VIRMA: variants seen among roughly 807,000 people sequenced by gnomAD.
VIRMA encodes the protein vir like m6A methyltransferase associated, also known as protein virilizer homolog.
Under a neutral mutation model 182.4 loss-of-function variants are expected in VIRMA, and 65 were observed. That is an observed-to-expected ratio of 0.36 (90% CI 0.29 to 0.44). VIRMA has a LOEUF of 0.44. Among genes scored for constraint, VIRMA ranks in the 20% least tolerant of loss-of-function variants. The pLI is 1.00. For missense variants in VIRMA, 1,752 were observed against 2,158.1 expected (o/e 0.81, Z 3.73); for synonymous variants, 709 against 743.1 (o/e 0.95, Z 0.75).
rs1815676485 is a variant in VIRMA, at chr8:94,544,080, T to C, written c.64-138A>G. ...CATTAAATATCATTAAATATATTAT[T>C]TACAGTGTTGTATAAATAGCTGATA... On this transcript the variant is annotated intron_variant, in intron 1 of 23. Transcript: ENST00000297591. 5.3e-6 allele frequency: 3 copies of C among 560,850 alleles called. No homozygotes were observed. The East Asian group carries it at 9.0e-5, about 17-fold the overall frequency. The allele number at this position is 560,850 out of a possible 1,614,324, so 34.7% of individuals were successfully genotyped here.
intron 1 of VIRMA, among the ~76,000 whole-genome samples, chr8:94,549,656 TA>T (rs1253832986): frequency 2.6e-5 from 4 of 152,242 alleles, no homozygotes; most frequent in Non-Finnish European, 5.9e-5. Context: ...CTCTCCTACG[TA>T]GTTCCACTGG....
In VIRMA at chr8:94,506,565, T is replaced by C. The variant is rs1384066206; in HGVS notation, c.4032A>G (p.Leu1344=). 1.2e-6 allele frequency: 2 copies of C among 1,613,576 alleles called. No homozygotes were observed. The highest frequency in any genetic ancestry group is 1.7e-5 in the Admixed American group (1 of 60,022). ...ACATCATTGTTCTGACACATGTCAG[T>C]AAACAGTTGTAACTGCTCTCAGAGT... ...LANSESSYNC[L]LTCVRTMMFL... Residue 1344 remains leucine, a synonymous_variant, in exon 16 of 24, where the codon TTA becomes TTG. Coordinates refer to ENST00000297591, the MANE Select transcript of VIRMA (RefSeq NM_015496.5).
At chr8:94,548,459 A>G (rs1403158688) in intron 1 of VIRMA, among the ~76,000 whole-genome samples, 1 of 151,000 alleles carries the variant, frequency 6.6e-6, no homozygotes, top group Non-Finnish European at 1.5e-5. Context: ...ACAAAGTAAA[A>G]GCTGATTACA....
chr8:94,536,973 C>A, intron 4 of VIRMA, 130 bp downstream of exon 4: 3 of 702,090 alleles, frequency 4.3e-6, no homozygotes, highest in South Asian at 3.4e-5. Flanking sequence ...AGCGAGACTC[C>A]GTCTCAAAAA....
intron 11 of VIRMA, among the ~76,000 whole-genome samples, chr8:94,514,278 T>C (rs1167018738): frequency 1.3e-5 from 2 of 152,212 alleles, no homozygotes; most frequent in Admixed American, 6.5e-5. Context: ...GGAACAGAGA[T>C]GAAAAAACTT....
chr8:94,551,348 C>T (rs1343368291), intron 1 of VIRMA, among the ~76,000 whole-genome samples: 2 of 152,220 alleles, frequency 1.3e-5, no homozygotes, highest in Non-Finnish European at 2.9e-5. Context: ...ATTTTGTAAA[C>T]TAAGATGATA....
At chr8:94,512,767 A>C (rs1232642148) in intron 11 of VIRMA, among the ~76,000 whole-genome samples, 1 of 152,026 alleles carries the variant, frequency 6.6e-6, no homozygotes, top group Non-Finnish European at 1.5e-5. Flanking sequence ...ACACAGTGAA[A>C]CCCTGTCTCA....
intron 17 of VIRMA, 99 bp downstream of exon 17, chr8:94,499,271 GATTA>G: frequency 1.3e-6 from 1 of 794,108 alleles, no homozygotes. Context: ...AGAGTGCTGA[GATTA>G]CAGATGTGAG....
At chr8:94,499,532 G>GATAT in intron 16 of VIRMA, 26 bp from the exon 17 acceptor site, 1 of 1,366,192 alleles carries the variant, frequency 7.3e-7, no homozygotes, top group Non-Finnish European at 1.0e-6. Context: ...ATAAAGAGAA[G>GATAT]ATATTATCTT....
At chr8:94,501,749 G>C (rs1350725402) in intron 16 of VIRMA, among the ~76,000 whole-genome samples, 2 of 152,086 alleles carry the variant, frequency 1.3e-5, no homozygotes, top group African/African-American at 4.8e-5. Context: ...CTTGAGCCCA[G>C]GAGTTCGAGA....
In VIRMA at chr8:94,520,080, G is replaced by A. The variant is rs528443541; in HGVS notation, c.2022-604C>T. ...ACAAAAATTAGCCAGGCGTGGTGGC[G>A]CATGTCTGTAGTCTCAGCTACTGAA... On this transcript the variant is annotated intron_variant, in intron 8 of 23. Transcript: ENST00000297591. Among the ~76,000 whole-genome samples, 23 of 151,040 alleles carry A rather than the reference G, an allele frequency of 1.5e-4. 1 individual carries two copies. The South Asian group carries it at 2.3e-3, about 15-fold the overall frequency.
chr8:94,537,316 A>T (rs923311275), intron 3 of VIRMA, among the ~76,000 whole-genome samples, 165 bp from the exon 4 acceptor site: 5 of 152,178 alleles, frequency 3.3e-5, no homozygotes, highest in Non-Finnish European at 7.4e-5. Flanking sequence ...CCAAAATGTG[A>T]TTAAAAAAAA....
chr8:94,515,423 G>A lies in VIRMA; in HGVS notation c.2669-472C>T, dbSNP rs116390873. On this transcript the variant is annotated intron_variant, in intron 10 of 23. Transcript: ENST00000297591. ...TTTTCATTCTGTTGCCCAGGCTGAA[G>A]TGCAACAGTGTGATCACGGCTCACT... Among the ~76,000 whole-genome samples, 1,002 of 152,056 alleles carry A rather than the reference G, an allele frequency of 6.6e-3. 7 individuals carry two copies. Among genetic ancestry groups the A allele is most frequent in the African/African-American group, 0.023 (946 of 41,478 alleles).
At chr8:94,544,752 G>A (rs1294904653) in intron 1 of VIRMA, among the ~76,000 whole-genome samples, 1 of 151,832 alleles carries the variant, frequency 6.6e-6, no homozygotes, top group African/African-American at 2.4e-5. Context: ...TTCAGGGTAG[G>A]GTTTTGTGTT....
At chr8:94,543,983 A>G (rs908585062) in intron 1 of VIRMA, 41 bp from the exon 2 acceptor site, 16 of 990,194 alleles carry the variant, frequency 1.6e-5, no homozygotes, top group Non-Finnish European at 2.1e-5. Context: ...GGTTCGGAAC[A>G]TTATGTAAAA....
At position 94,511,737 on chromosome 8, in the gene VIRMA, T is replaced by C; in HGVS notation, c.2846-8A>G. On this transcript the variant is annotated splice_polypyrimidine_tract_variant and splice_region_variant and intron_variant, in intron 12 of 23. Coordinates refer to ENST00000297591, the MANE Select transcript of VIRMA (RefSeq NM_015496.5). ...TCAGATCTTTCTGTTGACCTTTATATAGGATAAGAAAAAGAAACAAAACTA... is the reference window on the plus strand; with the variant it reads ...TCAGATCTTTCTGTTGACCTTTATACAGGATAAGAAAAAGAAACAAAACTA... 3 of 1,600,874 alleles carry C rather than the reference T, an allele frequency of 1.9e-6. No homozygotes were observed. Among genetic ancestry groups the C allele is most frequent in the South Asian group, 2.2e-5 (2 of 89,572 alleles).
rs1815147444 is a variant in VIRMA, at chr8:94,530,856, G to A, written c.607+107C>T. On this transcript the variant is annotated intron_variant, in intron 6 of 23. Coordinates refer to ENST00000297591, the MANE Select transcript of VIRMA (RefSeq NM_015496.5). Reference sequence around the variant, plus strand: ...AAGCCCAGGTGGTCAAGACTGCAGTGAGCCACTGTACTCCACCCTGGGCAA... The same window carrying A: ...AAGCCCAGGTGGTCAAGACTGCAGTAAGCCACTGTACTCCACCCTGGGCAA... 2.9e-5 allele frequency: 36 copies of A among 1,232,714 alleles called. 2 individuals carry two copies. In the South Asian group the frequency reaches 5.7e-4, roughly 20 times the overall value. The allele number at this position is 1,232,714 out of a possible 1,614,324, so 76.4% of individuals were successfully genotyped here.
Position 94,491,560 on chromosome 8 carries a change from T to C in VIRMA, c.5140+18A>G. 1.9e-6 allele frequency: 3 copies of C among 1,582,226 alleles called. No homozygotes were observed. The highest frequency in any genetic ancestry group is 1.7e-5 in the Admixed American group (1 of 58,880). On this transcript the variant is annotated intron_variant, in intron 22 of 23. Coordinates refer to ENST00000297591, the MANE Select transcript of VIRMA (RefSeq NM_015496.5). ...TCCAATATTCTAACCCATTAGAAAA[T>C]ACATACTAATTAGTTACCTTTTGAA...
intron 18 of VIRMA, 60 bp downstream of exon 18, chr8:94,496,268 G>A (rs376456605): frequency 7.0e-7 from 1 of 1,424,020 alleles, no homozygotes; most frequent in Non-Finnish European, 9.6e-7. Flanking sequence ...CGAAATACTT[G>A]TACTAGTCAA....
Sources: gnomAD v4.1 joint callset for allele counts (sites outside exome capture counted in the v4.1 genomes callset) on GRCh38, gnomAD v4.1.1 for gene constraint, MANE v1.5 for transcripts, NCBI Gene and HGNC (gene_info 2026-07-23, HGNC 2026-07-21) for gene names.